The following WWC1 variants were observed in gnomAD, a reference collection of about 807,000 sequenced individuals.
WWC1 encodes protein KIBRA.
A neutral mutation model predicts 138.4 loss-of-function variants in WWC1; 55 were observed. The observed-to-expected ratio is 0.40, with a 90% CI of 0.32 to 0.50. WWC1 has a LOEUF of 0.50. WWC1 is among the 20% of genes least tolerant of loss of function. WWC1 has a pLI of 0.72. For synonymous variants in WWC1, 524 were observed against 564.9 expected (o/e 0.93, Z 1.03); for missense variants, 1,226 against 1,420.4 (o/e 0.86, Z 2.20).
intron 17 of WWC1, among the ~76,000 whole-genome samples, chr5:168,449,570 C>CTTTTTTTTTTTTT (rs10636051): frequency 2.2e-5 from 2 of 90,736 alleles, no homozygotes; most frequent in African/African-American, 4.5e-5. Context: ...TTTAACAGCT[C>CTTTTTTTTTTTTT]TTTTTTTTTT....
intron 2 of WWC1, among the ~76,000 whole-genome samples, chr5:168,379,313 G>A (rs948450812): frequency 2.0e-5 from 3 of 152,334 alleles, no homozygotes; most frequent in South Asian, 2.1e-4. Flanking sequence ...ATGGACTTGA[G>A]GAAGGGTAGT....
intron 1 of WWC1, among the ~76,000 whole-genome samples, chr5:168,345,225 C>G (rs1458210529): frequency 5.9e-5 from 9 of 152,230 alleles, no homozygotes; most frequent in Admixed American, 5.2e-4. Flanking sequence ...CTGCCTCAAC[C>G]TCCCAAGTAG....
At chr5:168,427,213 G>A (rs1781568859) in intron 11 of WWC1, among the ~76,000 whole-genome samples, 1 of 152,178 alleles carries the variant, frequency 6.6e-6, no homozygotes, top group Admixed American at 6.5e-5. Context: ...TTGAAAGTAT[G>A]GATATCTACA....
chr5:168,339,921 CTCTT>C (rs768901109), intron 1 of WWC1, among the ~76,000 whole-genome samples: 1,645 of 134,752 alleles, frequency 0.012, 38 homozygotes, highest in African/African-American at 0.047. Flanking sequence ...CTCTCTCTCT[CTCTT>C]TCTCTCTTTC....
intron 3 of WWC1, among the ~76,000 whole-genome samples, chr5:168,387,291 C>T (rs1026950772): frequency 6.6e-6 from 1 of 152,146 alleles, no homozygotes; most frequent in Admixed American, 6.5e-5. Flanking sequence ...TAGTGTGAAG[C>T]CCTTACTTTG....
intron 1 of WWC1, among the ~76,000 whole-genome samples, chr5:168,312,815 C>CTTTTTTTT (rs763253959): frequency 8.1e-6 from 1 of 123,772 alleles, no homozygotes; most frequent in African/African-American, 3.0e-5. Context: ...ATCCTAAGTA[C>CTTTTTTTT]TTTTTTTTTT....
chr5:168,448,790 T>G (rs1189575878), intron 17 of WWC1, among the ~76,000 whole-genome samples: 1 of 152,000 alleles, frequency 6.6e-6, no homozygotes, highest in Non-Finnish European at 1.5e-5. Context: ...AGCTAATTTT[T>G]TGTGTTTTTT....
At chr5:168,406,014 AC>A in intron 5 of WWC1, among the ~76,000 whole-genome samples, 183 bp from the exon 6 acceptor site, 1 of 151,978 alleles carries the variant, frequency 6.6e-6, no homozygotes, top group East Asian at 1.9e-4. Context: ...GGTGTGAGCC[AC>A]CATGCCCAGC....
chr5:168,440,235 A>C (rs1365392217), intron 15 of WWC1, among the ~76,000 whole-genome samples: 1 of 152,250 alleles, frequency 6.6e-6, no homozygotes, highest in Non-Finnish European at 1.5e-5. Flanking sequence ...AGAGCAATGC[A>C]AATCAAAACC....
At position 168,387,847 on chromosome 5, in the gene WWC1, G is replaced by A. The variant is rs550188748; in HGVS notation, c.433+2433G>A. Among the ~76,000 whole-genome samples, 142 of 152,238 alleles carry A rather than the reference G, an allele frequency of 9.3e-4. 3 individuals are homozygous for A. The South Asian group carries it at 0.027, about 29-fold the overall frequency. ...CAGTCCGTACCATTTTTGTTAAGAC[G>A]GTCCTGGAAGGGAGATGTTATTGTC... On this transcript the variant is annotated intron_variant, in intron 3 of 22. Coordinates refer to ENST00000265293, the MANE Select transcript of WWC1 (RefSeq NM_015238.3).
intron 20 of WWC1, among the ~76,000 whole-genome samples, chr5:168,462,526 G>A (rs1442724513): frequency 6.6e-6 from 1 of 152,166 alleles, no homozygotes; most frequent in East Asian, 1.9e-4. Flanking sequence ...AGCTCCTTAG[G>A]GGCTTCTGGA....
At chr5:168,349,837 C>T (rs1035803831) in intron 1 of WWC1, among the ~76,000 whole-genome samples, 1 of 152,146 alleles carries the variant, frequency 6.6e-6, no homozygotes, top group African/African-American at 2.4e-5. Context: ...CTCCACCAAC[C>T]CCAGTTCTGT....
chr5:168,305,515 A>C (rs1224306550), intron 1 of WWC1, among the ~76,000 whole-genome samples: 2 of 152,190 alleles, frequency 1.3e-5, no homozygotes, highest in Non-Finnish European at 2.9e-5. Context: ...AGTGGCTGGC[A>C]TGCAGTAGAA....
intron 2 of WWC1, among the ~76,000 whole-genome samples, chr5:168,371,741 T>C (rs1016645539): frequency 6.6e-6 from 1 of 152,194 alleles, no homozygotes; most frequent in Non-Finnish European, 1.5e-5. Flanking sequence ...GGGTTTTTAA[T>C]AGAATCTAAA....
intron 1 of WWC1, among the ~76,000 whole-genome samples, chr5:168,300,224 A>G (rs574633464): frequency 6.6e-6 from 1 of 152,332 alleles, no homozygotes; most frequent in South Asian, 2.1e-4. Flanking sequence ...GGATACAGTG[A>G]CATTTTGTTA....
intron 3 of WWC1, among the ~76,000 whole-genome samples, chr5:168,386,009 C>A (rs1013523356): frequency 1.3e-5 from 2 of 152,122 alleles, no homozygotes; most frequent in African/African-American, 2.4e-5. Flanking sequence ...CCCCAGCCCC[C>A]CTTTCTGTTT....
chr5:168,337,500 A>G (rs1385898297), intron 1 of WWC1, among the ~76,000 whole-genome samples: 2 of 152,048 alleles, frequency 1.3e-5, no homozygotes, highest in Admixed American at 1.3e-4. Flanking sequence ...TGCACAGGAC[A>G]GCCCCCGCCA....
At chr5:168,430,109 G>T (rs776369495) in intron 13 of WWC1, 28 bp from the exon 14 acceptor site, 9 of 1,537,206 alleles carry the variant, frequency 5.9e-6, no homozygotes, top group Non-Finnish European at 8.1e-6. Context: ...TTACTAATAG[G>T]TACTTCATAT....
At chr5:168,366,745 C>G (rs1561664836) in intron 1 of WWC1, among the ~76,000 whole-genome samples, 1 of 151,608 alleles carries the variant, frequency 6.6e-6, no homozygotes, top group South Asian at 2.1e-4. Context: ...CTAACCCCAT[C>G]TCCATCCTCA....
Sources: gnomAD v4.1 joint callset for allele counts (sites outside exome capture counted in the v4.1 genomes callset) on GRCh38, gnomAD v4.1.1 for gene constraint, MANE v1.5 for transcripts, NCBI Gene and HGNC (gene_info 2026-07-23, HGNC 2026-07-21) for gene names.